CFDP1: variants seen among roughly 807,000 people sequenced by gnomAD.
CFDP1 encodes chromatin remodeling protein CFDP1, also known as heterochromatin-stabilizing protein CFDP1.
Under a neutral mutation model 40.1 loss-of-function variants are expected in CFDP1, and 31 were observed. The observed-to-expected ratio is 0.77, with a 90% CI of 0.58 to 1.04. The LOEUF (loss-of-function observed/expected upper bound fraction) is 1.04. Ranked by LOEUF, CFDP1 falls within the 50% of genes least tolerant of loss-of-function variation. The probability of loss-of-function intolerance (pLI) is 0.00; values close to 1 mark genes in which losing one functional copy is unlikely to be tolerated. For synonymous variants in CFDP1, 167 were observed against 120.0 expected (o/e 1.39, Z -2.56); for missense variants, 423 against 343.4 (o/e 1.23, Z -1.83).
intron 1 of CFDP1, among the ~76,000 whole-genome samples, 198 bp downstream of exon 1, chr16:75,433,091 G>T (rs567013544): frequency 2.0e-5 from 3 of 152,348 alleles, no homozygotes; most frequent in East Asian, 1.9e-4. Context: ...CCAACGGGAG[G>T]GGAGCACAGA....
chr16:75,370,572 A>G (rs543925354), intron 5 of CFDP1, among the ~76,000 whole-genome samples: 22 of 152,258 alleles, frequency 1.4e-4, no homozygotes, highest in Admixed American at 1.4e-3. Context: ...AATAATAATA[A>G]TAATGTGTGG....
At chr16:75,294,163 G>GT in intron 6 of CFDP1, 121 bp from the exon 7 acceptor site, 1 of 707,072 alleles carries the variant, frequency 1.4e-6, no homozygotes, top group Non-Finnish European at 2.5e-6. Context: ...GACCACCCAT[G>GT]ACTCTTCCAG....
chr16:75,367,512 G>C (rs1245783634), intron 5 of CFDP1, among the ~76,000 whole-genome samples: 1 of 151,986 alleles, frequency 6.6e-6, no homozygotes, highest in African/African-American at 2.4e-5. Context: ...TTAACAGTCG[G>C]CTGGGTGCAG....
intron 5 of CFDP1, among the ~76,000 whole-genome samples, chr16:75,319,283 C>T (rs941671763): frequency 6.6e-6 from 1 of 152,042 alleles, no homozygotes; most frequent in Non-Finnish European, 1.5e-5. Flanking sequence ...ACCTTATAAT[C>T]CACCTACCTC....
chr16:75,353,436 G>C (rs1274213280), intron 5 of CFDP1, among the ~76,000 whole-genome samples: 1 of 152,164 alleles, frequency 6.6e-6, no homozygotes, highest in South Asian at 2.1e-4. Flanking sequence ...ATCATATGTG[G>C]GAGTTAGGTA....
chr16:75,419,416 A>T (rs2079250839), intron 1 of CFDP1, among the ~76,000 whole-genome samples: 1 of 152,238 alleles, frequency 6.6e-6, no homozygotes, highest in African/African-American at 2.4e-5. Context: ...CAACCAATAA[A>T]TACAGAAGAA....
intron 5 of CFDP1, among the ~76,000 whole-genome samples, chr16:75,364,190 A>G (rs17606084): frequency 0.072 from 10,994 of 152,298 alleles, 420 homozygotes; most frequent in Middle Eastern, 0.13. Flanking sequence ...TCTGCCAGAA[A>G]GAAAATAAGG....
intron 1 of CFDP1, among the ~76,000 whole-genome samples, chr16:75,428,702 G>C (rs1290810992): frequency 6.6e-6 from 1 of 150,822 alleles, no homozygotes; most frequent in East Asian, 1.9e-4. Flanking sequence ...AAAAGAAAGA[G>C]TGAGAGAGGA....
chr16:75,354,887 C>T (rs1339527368), intron 5 of CFDP1, among the ~76,000 whole-genome samples: 1 of 152,162 alleles, frequency 6.6e-6, no homozygotes, highest in Non-Finnish European at 1.5e-5. Flanking sequence ...AAGATGTTAA[C>T]ATCAGAGAAA....
chr16:75,382,128 A>G (rs1221129558), intron 5 of CFDP1, among the ~76,000 whole-genome samples: 1 of 151,962 alleles, frequency 6.6e-6, no homozygotes, highest in African/African-American at 2.4e-5. Context: ...AAAAAGAAAA[A>G]AAAAAAAAAA....
chr16:75,414,448 A>C, intron 2 of CFDP1, 130 bp downstream of exon 2: 1 of 660,126 alleles, frequency 1.5e-6, no homozygotes, highest in Non-Finnish European at 2.7e-6. Flanking sequence ...AAATAACAGC[A>C]AATGTTTCCC....
At chr16:75,357,573 A>C (rs1048574907) in intron 5 of CFDP1, among the ~76,000 whole-genome samples, 1 of 152,170 alleles carries the variant, frequency 6.6e-6, no homozygotes, top group Non-Finnish European at 1.5e-5. Context: ...CTTTCTAAGG[A>C]AAGAATCTCA....
At chr16:75,406,354 G>T (rs951044845) in intron 4 of CFDP1, among the ~76,000 whole-genome samples, 4 of 152,036 alleles carry the variant, frequency 2.6e-5, no homozygotes, top group Non-Finnish European at 5.9e-5. Context: ...TCCAGCCTGG[G>T]CAACAGAGTG....
At chr16:75,419,436 T>C (rs939174524) in intron 1 of CFDP1, among the ~76,000 whole-genome samples, 2 of 152,160 alleles carry the variant, frequency 1.3e-5, no homozygotes, top group African/African-American at 4.8e-5. Context: ...ACCACAGAAT[T>C]AGAAAGACAT....
At chr16:75,422,492 T>A (rs1478053425) in intron 1 of CFDP1, among the ~76,000 whole-genome samples, 1 of 151,058 alleles carries the variant, frequency 6.6e-6, no homozygotes, top group Admixed American at 6.6e-5. Flanking sequence ...CCTCCCGGGT[T>A]CAAGTGATTC....
intron 5 of CFDP1, among the ~76,000 whole-genome samples, chr16:75,393,040 C>T (rs538606152): frequency 2.4e-4 from 37 of 152,308 alleles, no homozygotes; most frequent in African/African-American, 8.9e-4. Context: ...TGCCATGATA[C>T]ATGCTGAGAG....
intron 5 of CFDP1, among the ~76,000 whole-genome samples, chr16:75,350,604 C>T (rs1174908737): frequency 1.3e-5 from 2 of 152,054 alleles, no homozygotes; most frequent in African/African-American, 2.4e-5. Flanking sequence ...CGTTGAAATC[C>T]TTGCCAGAAA....
intron 6 of CFDP1, among the ~76,000 whole-genome samples, chr16:75,298,929 C>T (rs544325149): frequency 6.6e-6 from 1 of 152,310 alleles, no homozygotes; most frequent in South Asian, 2.1e-4. Context: ...CACCTGGTCT[C>T]CAATTGTAAC....
chr16:75,359,713 C>G (rs149262517), intron 5 of CFDP1, among the ~76,000 whole-genome samples: 14 of 152,280 alleles, frequency 9.2e-5, no homozygotes, highest in African/African-American at 3.1e-4. Context: ...GATAACAACC[C>G]TAAGCAAATT....
Sources: allele counts gnomAD v4.1 joint callset (sites outside exome capture counted in the v4.1 genomes callset), GRCh38; gene constraint gnomAD v4.1.1; transcripts MANE v1.5; gene names NCBI Gene and HGNC (gene_info 2026-07-23, HGNC 2026-07-21).